Variants in CACNB2 observed in about 807,000 individuals in gnomAD.
CACNB2 encodes voltage-dependent L-type calcium channel subunit beta-2.
A neutral mutation model predicts 73.3 loss-of-function variants in CACNB2; 42 were observed. The observed-to-expected ratio is 0.57, with a 90% CI of 0.45 to 0.74. CACNB2 has a LOEUF of 0.74. Ranked by LOEUF, CACNB2 falls within the 30% of genes least tolerant of loss-of-function variation. The pLI is 0.00. For missense variants in CACNB2, 940 were observed against 853.0 expected (o/e 1.10, Z -1.27); for synonymous variants, 348 against 310.3 (o/e 1.12, Z -1.28).
intron 3 of CACNB2, among the ~76,000 whole-genome samples, chr10:18,444,429 T>C (rs1564556221): frequency 6.6e-6 from 1 of 152,226 alleles, no homozygotes; most frequent in Admixed American, 6.5e-5. Context: ...TAACAAATAT[T>C]TATACAAAGA....
At chr10:18,155,058 T>C (rs1421362359) in intron 2 of CACNB2, among the ~76,000 whole-genome samples, 1 of 152,194 alleles carries the variant, frequency 6.6e-6, no homozygotes, top group Non-Finnish European at 1.5e-5. Context: ...ACCTTCTTAT[T>C]GATCATGTAA....
chr10:18,477,651 A>G (rs764702997), intron 3 of CACNB2, among the ~76,000 whole-genome samples: 1 of 152,192 alleles, frequency 6.6e-6, no homozygotes, highest in Non-Finnish European at 1.5e-5. Context: ...TGAGGGCTTC[A>G]GTATTTAAAG....
At chr10:18,277,920 A>C (rs991733117) in intron 2 of CACNB2, among the ~76,000 whole-genome samples, 2 of 152,152 alleles carry the variant, frequency 1.3e-5, no homozygotes, top group Non-Finnish European at 2.9e-5. Flanking sequence ...TTGTCTGGGA[A>C]CCAGTTTCCT....
chr10:18,266,045 A>G (rs2037783334), intron 2 of CACNB2, among the ~76,000 whole-genome samples: 1 of 152,228 alleles, frequency 6.6e-6, no homozygotes, highest in African/African-American at 2.4e-5. Flanking sequence ...ACCAAATGAT[A>G]TTGCATTTGT....
At chr10:18,156,431 A>G (rs780964260) in intron 2 of CACNB2, among the ~76,000 whole-genome samples, 1 of 152,226 alleles carries the variant, frequency 6.6e-6, no homozygotes, top group Non-Finnish European at 1.5e-5. Context: ...GGATTGGGGA[A>G]ATGACATGCC....
At chr10:18,342,156 C>T (rs1300761658) in intron 2 of CACNB2, among the ~76,000 whole-genome samples, 1 of 152,144 alleles carries the variant, frequency 6.6e-6, no homozygotes, top group Admixed American at 6.6e-5. Flanking sequence ...TATTATCAAA[C>T]ATGAAATAAC....
intron 12 of CACNB2, 95 bp from the exon 13 acceptor site, chr10:18,538,085 G>C: frequency 8.7e-7 from 1 of 1,144,440 alleles, no homozygotes; most frequent in Admixed American, 1.7e-5. Flanking sequence ...GTACAAAGGG[G>C]TGCAGCTCAT....
chr10:18,531,717 AG>A (rs2053050003), intron 10 of CACNB2: 3 of 152,146 alleles, frequency 2.0e-5, no homozygotes, highest in African/African-American at 7.2e-5. Context: ...AACTGGTGGG[AG>A]ATGGTATCCC....
intron 3 of CACNB2, among the ~76,000 whole-genome samples, chr10:18,467,096 G>C (rs540152240): frequency 5.9e-5 from 9 of 152,312 alleles, no homozygotes; most frequent in African/African-American, 1.9e-4. Context: ...GGAAGTTGCA[G>C]TGAGCCAAGA....
At chr10:18,265,425 C>T (rs1172714203) in intron 2 of CACNB2, among the ~76,000 whole-genome samples, 1 of 152,100 alleles carries the variant, frequency 6.6e-6, no homozygotes, top group Non-Finnish European at 1.5e-5. Context: ...GCCACCACAC[C>T]CGGCCATTTA....
At chr10:18,190,996 C>T (rs2034369756) in intron 2 of CACNB2, among the ~76,000 whole-genome samples, 1 of 152,212 alleles carries the variant, frequency 6.6e-6, no homozygotes, top group Non-Finnish European at 1.5e-5. Flanking sequence ...GCAGAGAATG[C>T]ATGGGAAACG....
rs142537853 is a variant in CACNB2 at position 18,433,633 on chromosome 10, A to G, written c.333+31590A>G. ...TGCAAATACTAGATGTAATGAAATGATGGGTCTGTGAGTGATATTTAAGGT... is the reference window on the plus strand; with the variant it reads ...TGCAAATACTAGATGTAATGAAATGGTGGGTCTGTGAGTGATATTTAAGGT... On this transcript the variant is annotated intron_variant, in intron 3 of 13. Transcript: ENST00000324631. 4.0e-3 allele frequency among the ~76,000 whole-genome samples: 613 copies of G among 152,162 alleles called. 3 individuals carry two copies. Among genetic ancestry groups the G allele is most frequent in the Middle Eastern group, 0.017 (5 of 294 alleles).
intron 2 of CACNB2, among the ~76,000 whole-genome samples, chr10:18,351,298 A>G (rs574507176): frequency 7.5e-4 from 114 of 152,198 alleles, no homozygotes; most frequent in Non-Finnish European, 1.2e-3. Flanking sequence ...TGTATTACAG[A>G]TGAGAAGACA....
At chr10:18,442,900 T>G (rs1276481170) in intron 3 of CACNB2, among the ~76,000 whole-genome samples, 1 of 137,500 alleles carries the variant, frequency 7.3e-6, no homozygotes, top group Admixed American at 7.5e-5. Context: ...TGGGTCTACA[T>G]GTAAAAACAA....
chr10:18,335,643 C>CT (rs2040972285), intron 2 of CACNB2, among the ~76,000 whole-genome samples: 1 of 152,010 alleles, frequency 6.6e-6, no homozygotes, highest in Admixed American at 6.6e-5. Flanking sequence ...CTCAATTATT[C>CT]TTTTTTCTGG....
intron 2 of CACNB2, among the ~76,000 whole-genome samples, chr10:18,222,407 T>C (rs28849179): frequency 1.1e-4 from 16 of 149,896 alleles, no homozygotes; most frequent in Admixed American, 2.0e-4. Context: ...CACACACACA[T>C]ACACACACAC....
chr10:18,289,754 G>T (rs2038981773), intron 2 of CACNB2, among the ~76,000 whole-genome samples: 1 of 151,992 alleles, frequency 6.6e-6, no homozygotes, highest in Admixed American at 6.6e-5. Context: ...TGATATTTAC[G>T]TGACGTTTAG....
chr10:18,433,305 C>T (rs1364459520), intron 3 of CACNB2, among the ~76,000 whole-genome samples: 2 of 152,164 alleles, frequency 1.3e-5, no homozygotes, highest in Non-Finnish European at 2.9e-5. Flanking sequence ...TTTAATATAA[C>T]TGGATCAGCG....
intron 2 of CACNB2, among the ~76,000 whole-genome samples, chr10:18,250,070 T>G (rs767952507): frequency 6.6e-6 from 1 of 152,162 alleles, no homozygotes; most frequent in Non-Finnish European, 1.5e-5. Flanking sequence ...CTTCAAAATA[T>G]ATCCAGAATC....
Sources: allele counts gnomAD v4.1 joint callset (sites outside exome capture counted in the v4.1 genomes callset), GRCh38; gene constraint gnomAD v4.1.1; transcripts MANE v1.5; gene names NCBI Gene and HGNC (gene_info 2026-07-23, HGNC 2026-07-21).